SLC9A9: variants seen among roughly 807,000 people sequenced by gnomAD.
The protein encoded by SLC9A9 is sodium/hydrogen exchanger 9.
SLC9A9 carries 62 observed loss-of-function variants against 77.8 expected under a neutral mutation model. The ratio of observed to expected loss-of-function variants is 0.80; its 90% confidence interval spans 0.65 to 0.98. The LOEUF is 0.98. Among genes scored for constraint, SLC9A9 ranks in the 50% least tolerant of loss-of-function variants. The pLI, the probability that SLC9A9 is intolerant of heterozygous loss-of-function variation, is 0.00. For missense variants in SLC9A9, 775 were observed against 774.9 expected (o/e 1.00, Z 0.00); for synonymous variants, 320 against 283.5 (o/e 1.13, Z -1.29).
intron 12 of SLC9A9, among the ~76,000 whole-genome samples, chr3:143,448,506 C>T (rs114671914): frequency 0.014 from 2,068 of 152,140 alleles, 50 homozygotes; most frequent in African/African-American, 0.047. Context: ...AATTGTTAGG[C>T]ATCCTCAAAA....
At chr3:143,519,452 G>A (rs546011845) in intron 9 of SLC9A9, among the ~76,000 whole-genome samples, 1 of 152,298 alleles carries the variant, frequency 6.6e-6, no homozygotes, top group South Asian at 2.1e-4. Flanking sequence ...AATGGAAGAA[G>A]AGGAGATAAG....
intron 9 of SLC9A9, among the ~76,000 whole-genome samples, chr3:143,527,885 T>C (rs1017506597): frequency 1.3e-5 from 2 of 152,126 alleles, no homozygotes; most frequent in African/African-American, 2.4e-5. Context: ...TGGCACTTGA[T>C]GTCAAGAACT....
chr3:143,371,758 G>C (rs931231757), intron 13 of SLC9A9, among the ~76,000 whole-genome samples: 4 of 152,116 alleles, frequency 2.6e-5, no homozygotes, highest in African/African-American at 7.2e-5. Flanking sequence ...ACCCAAATTG[G>C]AAAAGAAGAA....
intron 6 of SLC9A9, among the ~76,000 whole-genome samples, chr3:143,632,459 T>C (rs2038443870): frequency 6.6e-6 from 1 of 152,128 alleles, no homozygotes; most frequent in Admixed American, 6.6e-5. Context: ...AGGCACTTTT[T>C]GAGTGCATGT....
chr3:143,299,579 G>A (rs1212624064), intron 14 of SLC9A9, among the ~76,000 whole-genome samples: 1 of 152,096 alleles, frequency 6.6e-6, no homozygotes, highest in Non-Finnish European at 1.5e-5. Context: ...CAGTAGCTGG[G>A]ACTACAGGTG....
intron 12 of SLC9A9, among the ~76,000 whole-genome samples, chr3:143,460,631 T>A (rs1200798493): frequency 6.6e-6 from 1 of 152,168 alleles, no homozygotes; most frequent in East Asian, 1.9e-4. Flanking sequence ...AGAAGACGAC[T>A]AAGAACATGG....
intron 6 of SLC9A9, among the ~76,000 whole-genome samples, chr3:143,581,901 G>C (rs921762599): frequency 2.6e-5 from 4 of 152,182 alleles, no homozygotes; most frequent in African/African-American, 9.7e-5. Flanking sequence ...CTGCTTTCCT[G>C]CCTGGCTTTT....
At chr3:143,728,673 A>G (rs548178777) in intron 4 of SLC9A9, among the ~76,000 whole-genome samples, 1 of 152,252 alleles carries the variant, frequency 6.6e-6, no homozygotes, top group South Asian at 2.1e-4. Flanking sequence ...CCATTGCCGT[A>G]TTCCAAGAGA....
intron 12 of SLC9A9, among the ~76,000 whole-genome samples, chr3:143,422,575 T>A (rs894664039): frequency 1.3e-5 from 2 of 151,968 alleles, no homozygotes; most frequent in Admixed American, 6.6e-5. Flanking sequence ...ATGGGAACAA[T>A]AGACACTGGA....
chr3:143,600,203 C>T (rs1254918404), intron 6 of SLC9A9, among the ~76,000 whole-genome samples: 8 of 152,088 alleles, frequency 5.3e-5, no homozygotes, highest in Non-Finnish European at 7.4e-5. Context: ...CAACAGGCCC[C>T]GGTGTGTGAT....
intron 5 of SLC9A9, among the ~76,000 whole-genome samples, chr3:143,666,495 C>T (rs1010077076): frequency 2.0e-5 from 3 of 152,110 alleles, no homozygotes; most frequent in Admixed American, 6.5e-5. Context: ...GGCAATCAGA[C>T]AGGAGAAAGA....
intron 1 of SLC9A9, among the ~76,000 whole-genome samples, chr3:143,835,351 G>T (rs2009542783): frequency 6.6e-6 from 1 of 152,224 alleles, no homozygotes; most frequent in Admixed American, 6.5e-5. Context: ...CTTGCTAGAT[G>T]GTAAGAGCCA....
At chr3:143,842,410 C>A (rs6777717) in intron 1 of SLC9A9, among the ~76,000 whole-genome samples, 145,898 of 152,300 alleles carry the variant, frequency 0.96, 69,898 homozygotes, top group East Asian at 1. Context: ...CAAAAACCCC[C>A]AAAAACATAA....
At chr3:143,426,923 T>C (rs2034417380) in intron 12 of SLC9A9, among the ~76,000 whole-genome samples, 1 of 152,154 alleles carries the variant, frequency 6.6e-6, no homozygotes, top group Admixed American at 6.5e-5. Context: ...GCTATAGAAC[T>C]TGTAAGTGGC....
chr3:143,706,236 G>A (rs1933971482), intron 4 of SLC9A9, among the ~76,000 whole-genome samples: 1 of 152,160 alleles, frequency 6.6e-6, no homozygotes, highest in Non-Finnish European at 1.5e-5. Context: ...TAGTAATCCA[G>A]GGAACCATCG....
At chr3:143,557,824 A>G (rs758739204) in intron 8 of SLC9A9, among the ~76,000 whole-genome samples, 1 of 152,226 alleles carries the variant, frequency 6.6e-6, no homozygotes, top group Non-Finnish European at 1.5e-5. Context: ...AACAGAAAAC[A>G]TTGGAAAATT....
chr3:143,823,828 A>G (rs1448250636), intron 2 of SLC9A9, among the ~76,000 whole-genome samples: 1 of 152,126 alleles, frequency 6.6e-6, no homozygotes, highest in Non-Finnish European at 1.5e-5. Flanking sequence ...TCCATATCTT[A>G]GAGAATGGAA....
At chr3:143,498,836 G>C (rs1269605646) in intron 9 of SLC9A9, among the ~76,000 whole-genome samples, 1 of 152,048 alleles carries the variant, frequency 6.6e-6, no homozygotes, top group African/African-American at 2.4e-5. Flanking sequence ...CCTCGCATTT[G>C]TCATCTTTGA....
At chr3:143,739,417 A>G (rs1050766509) in intron 4 of SLC9A9, among the ~76,000 whole-genome samples, 1 of 152,196 alleles carries the variant, frequency 6.6e-6, no homozygotes, top group African/African-American at 2.4e-5. Context: ...TAAAAAACTT[A>G]ATTAAGACCA....
Sources: allele counts gnomAD v4.1 joint callset (sites outside exome capture counted in the v4.1 genomes callset), GRCh38; gene constraint gnomAD v4.1.1; transcripts MANE v1.5; gene names NCBI Gene and HGNC (gene_info 2026-07-23, HGNC 2026-07-21).